DNAJC1: variants seen among roughly 807,000 people sequenced by gnomAD.
DNAJC1 encodes DnaJ heat shock protein family (Hsp40) member C1.
Under a neutral mutation model 76.6 loss-of-function variants are expected in DNAJC1, and 58 were observed. The observed-to-expected ratio is 0.76, with a 90% CI of 0.61 to 0.94. The LOEUF is 0.94. Ranked by LOEUF, DNAJC1 falls within the 40% of genes least tolerant of loss-of-function variation. The probability of loss-of-function intolerance (pLI) is 0.00; values close to 1 mark genes in which losing one functional copy is unlikely to be tolerated. For synonymous variants in DNAJC1, 258 were observed against 267.9 expected (o/e 0.96, Z 0.36); for missense variants, 689 against 677.3 (o/e 1.02, Z -0.19).
chr10:21,823,130 G>A (rs956343508), intron 8 of DNAJC1, among the ~76,000 whole-genome samples: 4 of 152,058 alleles, frequency 2.6e-5, no homozygotes, highest in Admixed American at 1.3e-4. Flanking sequence ...ATTAATCTCT[G>A]CCACTTCAAA....
intron 9 of DNAJC1, among the ~76,000 whole-genome samples, chr10:21,796,072 C>A (rs184928012): frequency 6.6e-6 from 1 of 151,008 alleles, no homozygotes; most frequent in Non-Finnish European, 1.5e-5. Flanking sequence ...TGGGTTCAAG[C>A]GATTCTCCTG....
At chr10:21,781,471 C>T (rs1158032552) in intron 9 of DNAJC1, among the ~76,000 whole-genome samples, 6 of 152,218 alleles carry the variant, frequency 3.9e-5, no homozygotes, top group African/African-American at 1.4e-4. Flanking sequence ...CCTGTAATCC[C>T]AGCACTTTGG....
chr10:21,974,896 A>G (rs1838037705), intron 1 of DNAJC1, among the ~76,000 whole-genome samples: 2 of 152,186 alleles, frequency 1.3e-5, no homozygotes, highest in Non-Finnish European at 2.9e-5. Context: ...TGTAATATGT[A>G]TACATCTTAA....
chr10:21,997,619 T>C (rs1264213731), intron 1 of DNAJC1, among the ~76,000 whole-genome samples: 1 of 152,174 alleles, frequency 6.6e-6, no homozygotes, highest in East Asian at 1.9e-4. Flanking sequence ...GGTGTTTTTT[T>C]AGGGAAGTTC....
chr10:21,768,427 A>G lies in DNAJC1; in HGVS notation c.1099-2118T>C, dbSNP rs111336209. Among the ~76,000 whole-genome samples the G allele has an allele frequency of 1.5e-3, 233 of 152,274 alleles. 3 individuals carry two copies. Among genetic ancestry groups the G allele is most frequent in the African/African-American group, 5.3e-3 (220 of 41,556 alleles). ...CCTCTCAGCTGGGTAACAGACAGCA[A>G]TTTTCCATCCTTCTCTGTTTCATAT... On this transcript the variant is annotated intron_variant, in intron 9 of 11. Transcript: ENST00000376980.
intron 8 of DNAJC1, among the ~76,000 whole-genome samples, chr10:21,809,209 A>T (rs1409619279): frequency 6.6e-6 from 1 of 152,100 alleles, no homozygotes; most frequent in East Asian, 1.9e-4. Context: ...TTAATTAGAA[A>T]GCATCATATA....
chr10:21,831,008 T>C (rs924655885), intron 8 of DNAJC1, among the ~76,000 whole-genome samples: 3 of 152,200 alleles, frequency 2.0e-5, no homozygotes, highest in Non-Finnish European at 4.4e-5. Context: ...GGTTTTCTTA[T>C]CTCTTATTCT....
At chr10:21,990,728 A>G (rs2131846629) in intron 1 of DNAJC1, among the ~76,000 whole-genome samples, 1 of 152,316 alleles carries the variant, frequency 6.6e-6, no homozygotes, top group South Asian at 2.1e-4. Context: ...TGTCAGTTTT[A>G]AAATTTTTGT....
rs1415705158 is a variant in DNAJC1 at position 21,918,867 on chromosome 10, A to T, written c.641T>A (p.Leu214Gln). 1.9e-6 allele frequency: 3 copies of T among 1,611,982 alleles called. No individual in the cohort carries two copies. Among genetic ancestry groups the T allele is most frequent in the Non-Finnish European group, 2.5e-6 (3 of 1,178,366 alleles). ...CAAATCATGCCACTGTGGTTTCATCAGCAATCTAAAGGGAGGGAGAAAAAA... is the reference window on the plus strand; with the variant it reads ...CAAATCATGCCACTGTGGTTTCATCTGCAATCTAAAGGGAGGGAGAAAAAA... ...LGASEKNERL[L>Q]MKPQWHDLLP... is the part of the protein sequence containing the mutation. The change falls in exon 6 of 12, where the codon CTG (leucine) becomes CAG (glutamine). Residue 214 changes from leucine to glutamine, a missense_variant. Transcript: ENST00000376980.
At chr10:21,869,118 A>G (rs889207751) in intron 8 of DNAJC1, among the ~76,000 whole-genome samples, 5 of 151,066 alleles carry the variant, frequency 3.3e-5, no homozygotes, top group African/African-American at 1.2e-4. Flanking sequence ...TCTTTTCCAG[A>G]TATCTCTTCT....
At chr10:21,931,088 T>G (rs1837214191) in intron 1 of DNAJC1, among the ~76,000 whole-genome samples, 2 of 152,206 alleles carry the variant, frequency 1.3e-5, no homozygotes, top group Admixed American at 1.3e-4. Flanking sequence ...GTACCCCAAA[T>G]GTAAATGTGG....
chr10:21,900,031 A>C (rs76785298), intron 7 of DNAJC1, among the ~76,000 whole-genome samples: 5,438 of 152,284 alleles, frequency 0.036, 166 homozygotes, highest in Middle Eastern at 0.071. Context: ...TAGGCTACAC[A>C]AAATTTACTT....
chr10:21,878,406 G>C (rs1237443745), intron 8 of DNAJC1, among the ~76,000 whole-genome samples: 1 of 152,178 alleles, frequency 6.6e-6, no homozygotes, highest in Non-Finnish European at 1.5e-5. Flanking sequence ...GTGTGCTACA[G>C]TTGATTTTAC....
At chr10:21,928,831 T>A (rs980898367) in intron 2 of DNAJC1, among the ~76,000 whole-genome samples, 2 of 152,150 alleles carry the variant, frequency 1.3e-5, no homozygotes, top group African/African-American at 2.4e-5. Context: ...AAGAAAATTA[T>A]GACAATTATG....
intron 6 of DNAJC1, among the ~76,000 whole-genome samples, chr10:21,913,558 A>T (rs891425318): frequency 2.6e-5 from 4 of 152,206 alleles, no homozygotes; most frequent in Admixed American, 1.3e-4. Context: ...TGCACAGAGC[A>T]CTGATTATAT....
chr10:21,950,648 A>G (rs1837579110), intron 1 of DNAJC1, among the ~76,000 whole-genome samples: 1 of 152,220 alleles, frequency 6.6e-6, no homozygotes, highest in Admixed American at 6.5e-5. Flanking sequence ...GGCCTCTTGC[A>G]CCAAACAGGC....
At chr10:21,928,151 C>T (rs1325082443) in intron 3 of DNAJC1, among the ~76,000 whole-genome samples, 1 of 152,054 alleles carries the variant, frequency 6.6e-6, no homozygotes, top group Non-Finnish European at 1.5e-5. Flanking sequence ...AAGCATCAGG[C>T]ACAGATAGGA....
intron 9 of DNAJC1, among the ~76,000 whole-genome samples, chr10:21,775,971 A>G (rs1302706117): frequency 6.6e-6 from 1 of 152,150 alleles, no homozygotes; most frequent in East Asian, 1.9e-4. Flanking sequence ...TCCAAGCAGA[A>G]AACACTTTCT....
intron 8 of DNAJC1, among the ~76,000 whole-genome samples, chr10:21,819,246 C>T (rs1289378113): frequency 6.6e-6 from 1 of 152,006 alleles, no homozygotes; most frequent in Non-Finnish European, 1.5e-5. Context: ...ACTAAAAATA[C>T]AAAAATTAGC....
Sources: allele counts gnomAD v4.1 joint callset (sites outside exome capture counted in the v4.1 genomes callset), GRCh38; gene constraint gnomAD v4.1.1; transcripts MANE v1.5; gene names NCBI Gene and HGNC (gene_info 2026-07-23, HGNC 2026-07-21).